ARHGAP8: variants seen among roughly 807,000 people sequenced by gnomAD.
ARHGAP8 encodes Rho GTPase activating protein 8.
In ARHGAP8, 62 loss-of-function variants were observed where a neutral mutation model predicts 46.1. The ratio of observed to expected loss-of-function variants is 1.34; its 90% CI spans 1.10 to 1.66. ARHGAP8 has a LOEUF of 1.66. Ranked by LOEUF, ARHGAP8 falls within the 40% of genes most tolerant of loss-of-function variation. The pLI is 0.00. For synonymous variants in ARHGAP8, 375 were observed against 243.1 expected (o/e 1.54, Z -5.05); for missense variants, 923 against 568.4 (o/e 1.62, Z -6.34).
At chr22:44,770,623 C>T (rs549420693) in intron 1 of ARHGAP8, among the ~76,000 whole-genome samples, 7 of 152,218 alleles carry the variant, frequency 4.6e-5, no homozygotes, top group African/African-American at 1.7e-4. Flanking sequence ...CCAGGCTGGT[C>T]TCACACTTCT....
intron 1 of ARHGAP8, among the ~76,000 whole-genome samples, chr22:44,767,419 C>T (rs141806023): frequency 6.6e-6 from 1 of 152,110 alleles, no homozygotes; most frequent in Non-Finnish European, 1.5e-5. Context: ...TTAGCTGCCC[C>T]TCCTGAACAG....
At chr22:44,782,641 A>G (rs1450379749) in intron 1 of ARHGAP8, among the ~76,000 whole-genome samples, 2 of 152,172 alleles carry the variant, frequency 1.3e-5, no homozygotes, top group African/African-American at 2.4e-5. Flanking sequence ...AGCGGTTTCA[A>G]GTTCCTCTAT....
intron 11 of ARHGAP8, among the ~76,000 whole-genome samples, chr22:44,860,626 CAT>C (rs546684030): frequency 2.3e-5 from 2 of 86,582 alleles, no homozygotes; most frequent in South Asian, 7.3e-4. Flanking sequence ...GAGGGGCCAC[CAT>C]TCAATCTACT....
intron 10 of ARHGAP8, among the ~76,000 whole-genome samples, chr22:44,855,980 G>A (rs1170644203): frequency 6.6e-6 from 1 of 152,206 alleles, no homozygotes; most frequent in East Asian, 1.9e-4. Flanking sequence ...CAAAGGAGGA[G>A]CAGGTGTCTC....
intron 7 of ARHGAP8, among the ~76,000 whole-genome samples, chr22:44,833,234 C>G (rs1031009104): frequency 4.0e-5 from 6 of 151,550 alleles, no homozygotes; most frequent in African/African-American, 1.5e-4. Context: ...GTAGCTGGTA[C>G]TATAGGTATA....
chr22:44,857,623 G>T (rs6007333), intron 10 of ARHGAP8, among the ~76,000 whole-genome samples: 22,542 of 151,990 alleles, frequency 0.15, 2,153 homozygotes, highest in African/African-American at 0.28. Flanking sequence ...AAACTAGGGG[G>T]ACATGCCATC....
At chr22:44,857,909 C>T (rs1008813567) in intron 10 of ARHGAP8, among the ~76,000 whole-genome samples, 10 of 124,644 alleles carry the variant, frequency 8.0e-5, no homozygotes, top group African/African-American at 3.4e-4. Flanking sequence ...CTCACCAGTC[C>T]TGCCTACTTG....
chr22:44,862,615 ATTT>A lies in ARHGAP8; in HGVS notation c.*21_*23del, dbSNP rs767741957. 109 of 1,269,584 alleles carry A rather than the reference ATTT, an allele frequency of 8.6e-5. No individual in the cohort carries two copies. Among genetic ancestry groups the A allele is most frequent in the Non-Finnish European group, 1.1e-4 (103 of 951,692 alleles). 78.6% of individuals were successfully genotyped at this position (1,269,584 alleles called of 1,614,324 possible). On this transcript the variant is annotated 3_prime_UTR_variant, in exon 12 of 12. Transcript: ENST00000356099. ...CTCTAGTGTTGCGAACACTCTGTATATTTCGAGCTACCTCCCACACCTGTCTGT... is the reference window on the plus strand; with the variant it reads ...CTCTAGTGTTGCGAACACTCTGTATACGAGCTACCTCCCACACCTGTCTGT...
intron 11 of ARHGAP8, among the ~76,000 whole-genome samples, chr22:44,861,277 T>A (rs941559020): frequency 6.6e-6 from 1 of 152,164 alleles, no homozygotes; most frequent in Non-Finnish European, 1.5e-5. Context: ...CCAGCCTACT[T>A]CTTTTTCATT....
At chr22:44,774,841 G>T (rs1281107145) in intron 1 of ARHGAP8, among the ~76,000 whole-genome samples, 1 of 151,488 alleles carries the variant, frequency 6.6e-6, no homozygotes, top group African/African-American at 2.4e-5. Flanking sequence ...AGGGGTGGGG[G>T]CGGGGGGCGG....
intron 5 of ARHGAP8, among the ~76,000 whole-genome samples, chr22:44,818,278 G>A (rs1206956522): frequency 2.6e-5 from 4 of 151,932 alleles, no homozygotes; most frequent in African/African-American, 4.8e-5. Flanking sequence ...GTGAAACCCC[G>A]TCTCTACTAA....
chr22:44,804,390 G>C (rs1928789611), intron 3 of ARHGAP8, among the ~76,000 whole-genome samples: 1 of 152,164 alleles, frequency 6.6e-6, no homozygotes, highest in Non-Finnish European at 1.5e-5. Flanking sequence ...GTGAGTGAGA[G>C]GCCCCCAGGC....
chr22:44,861,671 T>C (rs116101168), intron 11 of ARHGAP8, among the ~76,000 whole-genome samples: 1,792 of 152,290 alleles, frequency 0.012, 45 homozygotes, highest in African/African-American at 0.041. Context: ...TGCCCTCACG[T>C]TGGTCCACAT....
rs776282488 is a variant in ARHGAP8 at position 44,862,585 on chromosome 22, G to A, written c.1292G>A (p.Arg431Lys). ...CCGAGTCCCCTGATGGCAGCCAGAA[G>A]ACGTCTCTAGTGTTGCGAACACTCT... ...LPPSPLMAAR[R>K]RL Residue 431 changes from arginine to lysine, a missense_variant, in exon 12 of 12, where the codon AGA becomes AAA. Physicochemically the swap from Arg to Lys is conservative, Grantham distance 26. Transcript: ENST00000356099. 7 of 1,581,862 alleles carry A rather than the reference G, an allele frequency of 4.4e-6. No individual in the cohort carries two copies. The South Asian group carries it at 6.8e-5, about 15-fold the overall frequency.
At chr22:44,855,756 G>C (rs77172132) in intron 10 of ARHGAP8, among the ~76,000 whole-genome samples, 1 of 152,136 alleles carries the variant, frequency 6.6e-6, no homozygotes, top group Non-Finnish European at 1.5e-5. Flanking sequence ...CCCACAGATA[G>C]CCAAAAGAAA....
rs142468893 is a variant in ARHGAP8 at position 44,798,001 on chromosome 22, CAA to C, written c.80-4074_80-4073del. Among the ~76,000 whole-genome samples the C allele has an allele frequency of 3.3e-3, 409 of 124,782 alleles. 11 individuals are homozygous for C. In the East Asian group the frequency reaches 0.069, roughly 21 times the overall value. The allele number at this position is 124,782 out of a possible 152,430, so 81.9% of individuals were successfully genotyped here. A position where few individuals can be genotyped will look rare whatever the true frequency, so the allele number is the denominator to read the frequency against. ...AAGATTTTTTTTTTTTTTTTTGAGACAAAGTCTCACTCTTGCCCAGGCTAGAG... is the reference window on the plus strand; with the variant it reads ...AAGATTTTTTTTTTTTTTTTTGAGACAGTCTCACTCTTGCCCAGGCTAGAG... On this transcript the variant is annotated intron_variant, in intron 2 of 11. Coordinates refer to ENST00000356099, the MANE Select transcript of ARHGAP8 (RefSeq NM_181335.3).
At chr22:44,804,704 C>A (rs1474294225) in intron 3 of ARHGAP8, among the ~76,000 whole-genome samples, 1 of 152,136 alleles carries the variant, frequency 6.6e-6, no homozygotes. Flanking sequence ...TGGGCTCGAC[C>A]TGGAACCCCC....
intron 1 of ARHGAP8, among the ~76,000 whole-genome samples, chr22:44,767,115 T>A (rs1339441737): frequency 3.9e-5 from 6 of 152,190 alleles, no homozygotes; most frequent in African/African-American, 1.4e-4. Context: ...TGAACAAATG[T>A]CTGTAACTTC....
chr22:44,777,455 C>T (rs773191647), intron 1 of ARHGAP8, among the ~76,000 whole-genome samples: 9 of 152,010 alleles, frequency 5.9e-5, no homozygotes, highest in Non-Finnish European at 1.2e-4. Context: ...CAGGTAGGTT[C>T]ATGTCATTAA....
Sources: gnomAD v4.1 joint callset for allele counts (sites outside exome capture counted in the v4.1 genomes callset) on GRCh38, gnomAD v4.1.1 for gene constraint, MANE v1.5 for transcripts, NCBI Gene and HGNC (gene_info 2026-07-23, HGNC 2026-07-21) for gene names.